FRMD4A: variants seen among roughly 807,000 people sequenced by gnomAD.
FRMD4A encodes FERM domain containing 4A, also known as FERM domain-containing protein 4A.
Under a neutral mutation model 129.1 loss-of-function variants are expected in FRMD4A, and 29 were observed. That is an observed-to-expected ratio of 0.22 (90% confidence interval 0.17 to 0.31). The LOEUF is 0.31. Among genes scored for constraint, FRMD4A ranks in the 10% least tolerant of loss-of-function variants. The pLI, the probability that FRMD4A is intolerant of heterozygous loss-of-function variation, is 1.00. For synonymous variants in FRMD4A, 634 were observed against 571.6 expected (o/e 1.11, Z -1.56); for missense variants, 1,272 against 1,375.8 (o/e 0.92, Z 1.19).
At chr10:14,238,628 C>G (rs1843918195) in intron 2 of FRMD4A, among the ~76,000 whole-genome samples, 1 of 152,148 alleles carries the variant, frequency 6.6e-6, no homozygotes, top group Admixed American at 6.5e-5. Context: ...AACCTGTCGT[C>G]TAGGTTTTAA....
At chr10:13,794,250 G>A (rs1014332984) in intron 5 of FRMD4A, among the ~76,000 whole-genome samples, 1 of 151,944 alleles carries the variant, frequency 6.6e-6, no homozygotes, top group African/African-American at 2.4e-5. Flanking sequence ...AAATTAGCTG[G>A]GTATGGTGGT....
chr10:13,868,265 T>A (rs1485556050), intron 2 of FRMD4A, among the ~76,000 whole-genome samples: 1 of 152,062 alleles, frequency 6.6e-6, no homozygotes, highest in African/African-American at 2.4e-5. Flanking sequence ...ATATAACCAT[T>A]TTTATTATCA....
At chr10:13,891,860 C>T in intron 2 of FRMD4A, 5 of 488,756 alleles carry the variant, frequency 1.0e-5, no homozygotes, top group Non-Finnish European at 1.3e-5. Flanking sequence ...GCCAGTGAGC[C>T]CCGCCGCCGG....
chr10:13,720,881 A>G (rs1008875372), intron 12 of FRMD4A, among the ~76,000 whole-genome samples: 9 of 152,244 alleles, frequency 5.9e-5, no homozygotes, highest in African/African-American at 2.2e-4. Flanking sequence ...ACGATAGAAT[A>G]TTATGCAGCC....
chr10:14,300,500 T>C (rs1160143149), intron 2 of FRMD4A, among the ~76,000 whole-genome samples: 8 of 152,222 alleles, frequency 5.3e-5, no homozygotes, highest in Non-Finnish European at 8.8e-5. Context: ...GCAATTGATG[T>C]TATCTCTCTG....
Position 14,109,860 on chromosome 10 carries a change from G to T in FRMD4A, c.45+220198C>A, listed in dbSNP as rs535446550. Among the ~76,000 whole-genome samples the T allele has an allele frequency of 4.6e-3, 694 of 151,426 alleles. 7 individuals are homozygous for T. The highest frequency in any genetic ancestry group is 0.016 in the African/African-American group (672 of 41,256). On this transcript the variant is annotated intron_variant, in intron 2 of 24. Transcript: ENST00000357447. The stretch of plus-strand genomic sequence containing the variant: ...GGTGGCGGGCGCCTGTAATCCCAGC[G>T]ACTCAGGTGGTTGAGGCAGGAGAAT...
chr10:14,303,844 A>T (rs1030252218), intron 2 of FRMD4A, among the ~76,000 whole-genome samples: 1 of 152,084 alleles, frequency 6.6e-6, no homozygotes, highest in Non-Finnish European at 1.5e-5. Context: ...TATTCTCTAT[A>T]ATAATACATT....
intron 2 of FRMD4A, among the ~76,000 whole-genome samples, chr10:14,171,953 C>T (rs1841497846): frequency 6.6e-6 from 1 of 152,186 alleles, no homozygotes; most frequent in African/African-American, 2.4e-5. Context: ...ACGGATATGT[C>T]TTCTCTTCGG....
At chr10:14,302,541 T>C (rs1846219428) in intron 2 of FRMD4A, among the ~76,000 whole-genome samples, 1 of 152,168 alleles carries the variant, frequency 6.6e-6, no homozygotes, top group Admixed American at 6.5e-5. Flanking sequence ...CTTCCTTCAA[T>C]ACACAATGGA....
rs12414833 is a variant in FRMD4A, at chr10:14,227,710, T to A, written c.45+102348A>T. 5.9e-3 allele frequency among the ~76,000 whole-genome samples: 899 copies of A among 152,302 alleles called. 29 individuals are homozygous for A. The highest frequency in any genetic ancestry group is 0.056 in the Admixed American group (859 of 15,302). The stretch of plus-strand genomic sequence containing the variant: ...CAATTTCTGCATCCACATTCTTCAC[T>A]AGACTGGAAGCTCTAGGATGCATGA... On this transcript the variant is annotated intron_variant, in intron 2 of 24. Transcript: ENST00000357447.
chr10:13,976,945 T>C (rs911848131), intron 2 of FRMD4A, among the ~76,000 whole-genome samples: 1 of 152,196 alleles, frequency 6.6e-6, no homozygotes, highest in Non-Finnish European at 1.5e-5. Flanking sequence ...GATCTCAAGG[T>C]AAAGGACAAT....
intron 2 of FRMD4A, among the ~76,000 whole-genome samples, chr10:13,875,908 G>A (rs1194008182): frequency 6.6e-6 from 1 of 152,206 alleles, no homozygotes; most frequent in African/African-American, 2.4e-5. Flanking sequence ...GGGGGTTCGG[G>A]GGAACTTGCT....
chr10:13,898,244 G>A (rs977755191), intron 2 of FRMD4A, among the ~76,000 whole-genome samples: 24 of 152,172 alleles, frequency 1.6e-4, no homozygotes, highest in African/African-American at 2.6e-4. Context: ...GTGGTGGGGC[G>A]TGCCTGTAGT....
At chr10:13,670,345 T>C in intron 17 of FRMD4A, 61 bp downstream of exon 17, 2 of 1,569,278 alleles carry the variant, frequency 1.3e-6, no homozygotes, top group South Asian at 1.1e-5. Flanking sequence ...CTGGAAGGCC[T>C]GACCAATGGG....
intron 12 of FRMD4A, among the ~76,000 whole-genome samples, chr10:13,735,715 G>C (rs1032061017): frequency 2.0e-5 from 3 of 152,224 alleles, no homozygotes; most frequent in African/African-American, 7.2e-5. Context: ...TATCTCTGCT[G>C]TAGACCTCAA....
intron 2 of FRMD4A, among the ~76,000 whole-genome samples, chr10:14,214,728 C>T (rs1359991719): frequency 6.6e-6 from 1 of 152,052 alleles, no homozygotes; most frequent in African/African-American, 2.4e-5. Flanking sequence ...TTCCCATGTG[C>T]CTAGAAGTCT....
intron 2 of FRMD4A, among the ~76,000 whole-genome samples, chr10:13,938,771 T>C (rs891215573): frequency 1.3e-5 from 2 of 151,994 alleles, no homozygotes; most frequent in Non-Finnish European, 2.9e-5. Context: ...ACATGGAAGG[T>C]GCTACCAGCA....
chr10:14,269,355 G>T (rs1158189595), intron 2 of FRMD4A, among the ~76,000 whole-genome samples: 1 of 152,110 alleles, frequency 6.6e-6, no homozygotes, highest in Non-Finnish European at 1.5e-5. Flanking sequence ...TAAACAACCC[G>T]ACCGTATTAT....
At chr10:14,058,937 A>AC (rs1834675430) in intron 2 of FRMD4A, among the ~76,000 whole-genome samples, 1 of 49,450 alleles carries the variant, frequency 2.0e-5, no homozygotes, top group Non-Finnish European at 7.4e-5. Flanking sequence ...GGGATGATCA[A>AC]GGGAAAAATG....
Sources: allele counts gnomAD v4.1 joint callset (sites outside exome capture counted in the v4.1 genomes callset), GRCh38; gene constraint gnomAD v4.1.1; transcripts MANE v1.5; gene names NCBI Gene and HGNC (gene_info 2026-07-23, HGNC 2026-07-21).